The following EPSTI1 variants were observed in gnomAD, a reference collection of about 807,000 sequenced individuals.
EPSTI1 encodes epithelial stromal interaction 1, also known as epithelial-stromal interaction protein 1.
In EPSTI1, 66 loss-of-function variants were observed where a neutral mutation model predicts 49.9. The ratio of observed to expected loss-of-function variants is 1.32; its 90% CI spans 1.08 to 1.62. The LOEUF (loss-of-function observed/expected upper bound fraction) is 1.62. EPSTI1 is among the 40% of genes most tolerant of loss of function. The pLI is 0.00. For synonymous variants in EPSTI1, 137 were observed against 130.7 expected (o/e 1.05, Z -0.33); for missense variants, 394 against 365.5 (o/e 1.08, Z -0.64).
At chr13:42,913,253 T>A (rs1296229659) in intron 8 of EPSTI1, among the ~76,000 whole-genome samples, 2 of 152,056 alleles carry the variant, frequency 1.3e-5, no homozygotes, top group African/African-American at 4.8e-5. Context: ...AATCTACCCA[T>A]TAAGAGATTC....
intron 1 of EPSTI1, among the ~76,000 whole-genome samples, chr13:42,971,022 G>A (rs2039754504): frequency 6.6e-6 from 1 of 152,122 alleles, no homozygotes; most frequent in Non-Finnish European, 1.5e-5. Flanking sequence ...TGACCACACC[G>A]GGGTACAGGA....
chr13:42,989,567 C>CTTTTCTTTTTTT (rs1555271094), intron 1 of EPSTI1, among the ~76,000 whole-genome samples: 1 of 79,020 alleles, frequency 1.3e-5, no homozygotes, highest in African/African-American at 4.4e-5. Flanking sequence ...CCTCTTTTTT[C>CTTTTCTTTTTTT]TTTTTTTTTT....
chr13:42,929,784 T>G (rs563980770), intron 6 of EPSTI1, among the ~76,000 whole-genome samples: 25 of 152,106 alleles, frequency 1.6e-4, no homozygotes, highest in Non-Finnish European at 3.7e-4. Flanking sequence ...ATGCATATTT[T>G]CTGTGTGTTT....
intron 1 of EPSTI1, among the ~76,000 whole-genome samples, chr13:42,976,089 T>C (rs1412434273): frequency 1.3e-5 from 2 of 152,254 alleles, no homozygotes; most frequent in Non-Finnish European, 2.9e-5. Context: ...AGCCTGTTAC[T>C]GTTTCACAGA....
chr13:42,898,636 G>A (rs1469073473), intron 9 of EPSTI1, among the ~76,000 whole-genome samples: 1 of 17,258 alleles, frequency 5.8e-5, no homozygotes, highest in Non-Finnish European at 2.6e-4. Context: ...GTATTCAGTA[G>A]TATGGAAATA....
intron 6 of EPSTI1, among the ~76,000 whole-genome samples, chr13:42,939,248 T>C (rs1256012846): frequency 1.3e-5 from 2 of 152,218 alleles, no homozygotes; most frequent in Non-Finnish European, 2.9e-5. Context: ...GCAATACAGC[T>C]ATTTTGCCTT....
chr13:42,969,643 G>C (rs1256859265), intron 2 of EPSTI1: 2 of 174,950 alleles, frequency 1.1e-5, no homozygotes, highest in Non-Finnish European at 2.4e-5. Context: ...TCTAGGGAAT[G>C]AGGGCTCGGT....
chr13:42,908,155 T>C (rs1283630110), intron 8 of EPSTI1, among the ~76,000 whole-genome samples: 4 of 152,188 alleles, frequency 2.6e-5, no homozygotes, highest in Non-Finnish European at 5.9e-5. Context: ...TTAAAGACTT[T>C]AAATGTAAAA....
intron 1 of EPSTI1, among the ~76,000 whole-genome samples, chr13:42,974,755 A>G (rs917876431): frequency 3.9e-5 from 6 of 152,214 alleles, no homozygotes; most frequent in African/African-American, 1.4e-4. Context: ...CTTTTTATCA[A>G]TAAGTACTCT....
At chr13:42,906,931 A>G (rs2037515465) in intron 8 of EPSTI1, among the ~76,000 whole-genome samples, 2 of 152,194 alleles carry the variant, frequency 1.3e-5, no homozygotes, top group African/African-American at 4.8e-5. Context: ...AAATGATCAA[A>G]TCAGGGCACT....
At chr13:42,941,068 GTACTT>G (rs1555264158) in intron 6 of EPSTI1, among the ~76,000 whole-genome samples, 1 of 151,730 alleles carries the variant, frequency 6.6e-6, no homozygotes, top group Non-Finnish European at 1.5e-5. Context: ...AAATTTTTAC[GTACTT>G]AAAGCTATGG....
rs2038031796 is a variant in EPSTI1 at position 42,922,391 on chromosome 13, G to C, written c.657+3945C>G. Among the ~76,000 whole-genome samples the C allele has an allele frequency of 6.6e-6, 1 of 152,124 alleles. No individual in the cohort carries two copies. On this transcript the variant is annotated intron_variant, in intron 7 of 10. Coordinates refer to ENST00000313624, the MANE Select transcript of EPSTI1 (RefSeq NM_033255.5). This position sits in a 1 kb window ranked among gnomAD's most constrained non-coding sequence, Gnocchi z 4.8. ...ATTGTAATCAAAAGGGTCATTATAA[G>C]AGGAAGGCAGAAAGGTCAGGGAGGG...
intron 5 of EPSTI1, among the ~76,000 whole-genome samples, chr13:42,956,948 AG>A (rs778650290): frequency 6.6e-6 from 1 of 152,202 alleles, no homozygotes; most frequent in East Asian, 1.9e-4. Flanking sequence ...TATATTAAGC[AG>A]GAAAGGAAGT....
chr13:42,900,420 T>G lies in EPSTI1; in HGVS notation c.742-37A>C, dbSNP rs1388783662. 3.1e-6 allele frequency: 5 copies of G among 1,590,494 alleles called. No homozygotes were observed. The African/African-American group carries it at 5.4e-5, about 17-fold the overall frequency. ...AAAAGTTTTAAAATATGGTTTTCAATTAACACAGTTGTACAGAAGATACCC... is the reference window on the plus strand; with the variant it reads ...AAAAGTTTTAAAATATGGTTTTCAAGTAACACAGTTGTACAGAAGATACCC... On this transcript the variant is annotated intron_variant, in intron 8 of 10. Transcript: ENST00000313624.
rs113319454 is a variant in EPSTI1 at position 42,969,330 on chromosome 13, C to T, written c.248-153G>A. 48 of 730,164 alleles carry T rather than the reference C, an allele frequency of 6.6e-5. No individual in the cohort carries two copies. In the African/African-American group the frequency reaches 7.6e-4, roughly 12 times the overall value. The allele number at this position is 730,164 out of a possible 1,614,324, so 45.2% of individuals were successfully genotyped here. ...CCAGGTTAGAAACACAATATTCAGC[C>T]CTGACCCGTACAGGTCATCCTGGGC... On this transcript the variant is annotated intron_variant, in intron 2 of 10. Transcript: ENST00000313624.
chr13:42,957,310 T>C (rs1393385947), intron 5 of EPSTI1, among the ~76,000 whole-genome samples: 2 of 152,310 alleles, frequency 1.3e-5, no homozygotes, highest in East Asian at 1.9e-4. Flanking sequence ...CAGCAAAATA[T>C]ATGGTTCTGG....
rs868337011 is a variant in EPSTI1, at chr13:42,894,688, A to C, written c.915+321T>G. Reference sequence around the variant, plus strand: ...AACCATATTTCTGAAAAAAAAAAAAAAAAAACGTTCATTTGTTTTTTTGTA... The same window carrying C: ...AACCATATTTCTGAAAAAAAAAAAACAAAAACGTTCATTTGTTTTTTTGTA... On this transcript the variant is annotated intron_variant, in intron 10 of 10. Transcript: ENST00000313624. Among the ~76,000 whole-genome samples, 719 of 152,128 alleles carry C rather than the reference A, an allele frequency of 4.7e-3. 8 individuals carry two copies. The highest frequency in any genetic ancestry group is 0.017 in the African/African-American group (687 of 41,502).
chr13:42,969,226 G>A (rs752121511), intron 2 of EPSTI1, 49 bp from the exon 3 acceptor site: 1 of 1,564,970 alleles, frequency 6.4e-7, no homozygotes. Context: ...ACTTCTAAAA[G>A]AAAACCAGTC....
intron 1 of EPSTI1, among the ~76,000 whole-genome samples, chr13:42,974,809 TA>T (rs1328383797): frequency 6.6e-6 from 1 of 152,210 alleles, no homozygotes; most frequent in Non-Finnish European, 1.5e-5. Context: ...CTTGGCTGGC[TA>T]AAAGTATTAC....
Sources: gnomAD v4.1 joint callset for allele counts (sites outside exome capture counted in the v4.1 genomes callset) on GRCh38, gnomAD v4.1.1 for gene constraint, Gnocchi (gnomAD v3.1) non-coding constraint, MANE v1.5 for transcripts, NCBI Gene and HGNC (gene_info 2026-07-23, HGNC 2026-07-21) for gene names.